The following DLGAP2 variants were observed in gnomAD, a reference collection of about 807,000 sequenced individuals.
The protein encoded by DLGAP2 is DLG associated protein 2, also known as disks large-associated protein 2.
Under a neutral mutation model 100.3 loss-of-function variants are expected in DLGAP2, and 26 were observed. The observed-to-expected ratio is 0.26, with a 90% CI of 0.19 to 0.36. The LOEUF is 0.36. Ranked by LOEUF, DLGAP2 falls within the 10% of genes least tolerant of loss-of-function variation. The probability of loss-of-function intolerance (pLI) is 1.00; values close to 1 mark genes in which losing one functional copy is unlikely to be tolerated. For missense variants in DLGAP2, 1,858 were observed against 1,453.2 expected (o/e 1.28, Z -4.53); for synonymous variants, 886 against 630.1 (o/e 1.41, Z -6.08).
intron 3 of DLGAP2, among the ~76,000 whole-genome samples, chr8:1,447,203 C>T (rs1798005355): frequency 6.6e-6 from 1 of 152,178 alleles, no homozygotes; most frequent in Non-Finnish European, 1.5e-5. Flanking sequence ...AGTTTTTGCC[C>T]ATTCAGTATA....
intron 3 of DLGAP2, among the ~76,000 whole-genome samples, chr8:1,366,696 G>T (rs891951993): frequency 6.6e-6 from 1 of 152,234 alleles, no homozygotes; most frequent in East Asian, 1.9e-4. Flanking sequence ...AGGTGAGCTG[G>T]GAAGTGGAAA....
chr8:914,108 A>C (rs924286943), intron 2 of DLGAP2, among the ~76,000 whole-genome samples: 3 of 152,330 alleles, frequency 2.0e-5, no homozygotes, highest in Non-Finnish European at 2.9e-5. Context: ...CAGATACTAA[A>C]ATTATTTATA....
chr8:759,448 G>T (rs1821021347), intron 1 of DLGAP2, among the ~76,000 whole-genome samples: 1 of 152,122 alleles, frequency 6.6e-6, no homozygotes, highest in African/African-American at 2.4e-5. Flanking sequence ...CCGGGGTTGG[G>T]ACGGGTATGC....
At chr8:1,059,879 G>A (rs557275260) in intron 2 of DLGAP2, among the ~76,000 whole-genome samples, 5 of 152,276 alleles carry the variant, frequency 3.3e-5, no homozygotes, top group South Asian at 2.1e-4. Flanking sequence ...GGGCGGTCGC[G>A]ATGCAAATCG....
intron 2 of DLGAP2, among the ~76,000 whole-genome samples, chr8:954,778 A>G (rs964338075): frequency 6.6e-6 from 1 of 152,234 alleles, no homozygotes; most frequent in Non-Finnish European, 1.5e-5. Flanking sequence ...GAAGATGGCC[A>G]GGGAGTTGTG....
chr8:1,408,258 T>A (rs1411281094), intron 3 of DLGAP2, among the ~76,000 whole-genome samples: 1 of 152,242 alleles, frequency 6.6e-6, no homozygotes, highest in Non-Finnish European at 1.5e-5. Flanking sequence ...CTTTCCGCGA[T>A]GCCATTTCAG....
chr8:1,575,708 A>T (rs955440313), intron 6 of DLGAP2, among the ~76,000 whole-genome samples: 1 of 143,356 alleles, frequency 7.0e-6, no homozygotes, highest in Non-Finnish European at 1.5e-5. Flanking sequence ...TATGAGTGAG[A>T]ACATGTGGTG....
chr8:1,178,953 C>G (rs572092059), intron 2 of DLGAP2, among the ~76,000 whole-genome samples: 1 of 151,898 alleles, frequency 6.6e-6, no homozygotes, highest in Non-Finnish European at 1.5e-5. Flanking sequence ...GGGCCCACGC[C>G]GCCCTGGTCT....
chr8:843,323 C>T (rs901421092), intron 1 of DLGAP2, among the ~76,000 whole-genome samples: 1 of 152,218 alleles, frequency 6.6e-6, no homozygotes, highest in African/African-American at 2.4e-5. Flanking sequence ...TTCCCTCAGT[C>T]CTATTATCAT....
intron 1 of DLGAP2, chr8:739,146 G>A (rs1261941293): frequency 2.0e-5 from 3 of 152,460 alleles, no homozygotes; most frequent in African/African-American, 7.2e-5. Flanking sequence ...CGGCCAGCCC[G>A]GGCTGTGGGG....
At chr8:787,743 T>G (rs1821912178) in intron 1 of DLGAP2, among the ~76,000 whole-genome samples, 1 of 152,186 alleles carries the variant, frequency 6.6e-6, no homozygotes, top group South Asian at 2.1e-4. Context: ...ATCGGAATGG[T>G]CACACCCAAA....
At chr8:1,321,054 T>C (rs750206904) in intron 3 of DLGAP2, among the ~76,000 whole-genome samples, 4 of 151,772 alleles carry the variant, frequency 2.6e-5, no homozygotes, top group Non-Finnish European at 4.4e-5. Flanking sequence ...CATGTGTCTC[T>C]AAGTGTGCAC....
At chr8:1,222,642 G>T (rs117250416) in intron 2 of DLGAP2, among the ~76,000 whole-genome samples, 21 of 152,008 alleles carry the variant, frequency 1.4e-4, no homozygotes, top group African/African-American at 2.2e-4. Flanking sequence ...TGTACACGGT[G>T]GGGGGAGGCT....
At chr8:1,361,838 C>G (rs1385563804) in intron 3 of DLGAP2, among the ~76,000 whole-genome samples, 1 of 152,216 alleles carries the variant, frequency 6.6e-6, no homozygotes, top group Non-Finnish European at 1.5e-5. Context: ...CTCGCGGCGT[C>G]TTCTAGTGCA....
chr8:1,103,947 C>A (rs2129044250), intron 2 of DLGAP2, among the ~76,000 whole-genome samples: 1 of 152,324 alleles, frequency 6.6e-6, no homozygotes, highest in Middle Eastern at 3.4e-3. Context: ...CAGTGATGGA[C>A]CTGGCTGTGG....
At chr8:1,435,802 A>G (rs575858449) in intron 3 of DLGAP2, among the ~76,000 whole-genome samples, 1 of 151,998 alleles carries the variant, frequency 6.6e-6, no homozygotes, top group African/African-American at 2.4e-5. Context: ...GAAGATGGTG[A>G]TATCGACAGT....
chr8:1,475,325 GA>G (rs909961759), intron 3 of DLGAP2, among the ~76,000 whole-genome samples: 1 of 150,754 alleles, frequency 6.6e-6, no homozygotes, highest in South Asian at 2.1e-4. Context: ...CGTTAAAAAA[GA>G]AAAAAAAGCC....
intron 2 of DLGAP2, among the ~76,000 whole-genome samples, chr8:969,827 G>A (rs576155719): frequency 6.6e-6 from 1 of 152,178 alleles, no homozygotes; most frequent in Non-Finnish European, 1.5e-5. Context: ...TGGTGATCGT[G>A]TAGACTTAAA....
intron 2 of DLGAP2, among the ~76,000 whole-genome samples, chr8:1,165,714 A>G (rs1797002085): frequency 6.6e-6 from 1 of 152,198 alleles, no homozygotes; most frequent in African/African-American, 2.4e-5. Context: ...TGCAGGTGTT[A>G]CAAACAATAT....
Sources: allele counts gnomAD v4.1 joint callset (sites outside exome capture counted in the v4.1 genomes callset), GRCh38; gene constraint gnomAD v4.1.1; transcripts MANE v1.5; gene names NCBI Gene and HGNC (gene_info 2026-07-23, HGNC 2026-07-21).